Variants in ROCK1 observed in about 807,000 individuals in gnomAD.
ROCK1 encodes rho-associated protein kinase 1.
In ROCK1, 36 loss-of-function variants were observed where a neutral mutation model predicts 196.8. The observed-to-expected ratio is 0.18, with a 90% CI of 0.14 to 0.24. The LOEUF is 0.24. Among genes scored for constraint, ROCK1 ranks in the 10% least tolerant of loss-of-function variants. The probability of loss-of-function intolerance (pLI) is 1.00; values close to 1 mark genes in which losing one functional copy is unlikely to be tolerated. For synonymous variants in ROCK1, 443 were observed against 515.9 expected (o/e 0.86, Z 1.91); for missense variants, 920 against 1,562.0 (o/e 0.59, Z 6.93).
At chr18:20,990,135 A>G (rs993831522) in intron 18 of ROCK1, among the ~76,000 whole-genome samples, 28 of 152,224 alleles carry the variant, frequency 1.8e-4, no homozygotes, top group African/African-American at 6.3e-4. Flanking sequence ...GGTTGCAGAT[A>G]ATGCATTGGA....
chr18:21,095,573 C>T (rs1002342720), intron 1 of ROCK1, among the ~76,000 whole-genome samples: 1 of 152,000 alleles, frequency 6.6e-6, no homozygotes, highest in Non-Finnish European at 1.5e-5. Flanking sequence ...AACTCAAGGT[C>T]ATTACATTAA....
rs1491221039 is a variant in ROCK1, at chr18:21,078,341, T to TACACACAA, written c.94-7729_94-7728insTTGTGTGT. Among the ~76,000 whole-genome samples the TACACACAA allele has an allele frequency of 3.2e-3, 409 of 128,838 alleles. 1 individual carries two copies. The highest frequency in any genetic ancestry group is 0.012 in the African/African-American group (380 of 32,206). 84.5% of individuals were successfully genotyped at this position (128,838 alleles called of 152,430 possible). A position where few individuals can be genotyped will look rare whatever the true frequency, so the allele number is the denominator to read the frequency against. On this transcript the variant is annotated intron_variant, in intron 1 of 32. Transcript: ENST00000399799. ...AAGACTCTATCTCAAAACACCCACC[T>TACACACAA]ACACACACACACACACACACACACA...
At chr18:20,969,710 G>A (rs533404674) in intron 23 of ROCK1, among the ~76,000 whole-genome samples, 49 of 152,162 alleles carry the variant, frequency 3.2e-4, no homozygotes, top group African/African-American at 1.2e-3. Flanking sequence ...ATGTGGAAGA[G>A]ATATTACTAT....
chr18:21,060,038 G>A (rs2036275330), intron 2 of ROCK1, among the ~76,000 whole-genome samples: 1 of 152,224 alleles, frequency 6.6e-6, no homozygotes, highest in African/African-American at 2.4e-5. Flanking sequence ...GAAGCCTGGA[G>A]AGAAATGGAG....
intron 26 of ROCK1, 54 bp from the exon 27 acceptor site, chr18:20,967,130 T>C (rs2035381619): frequency 1.2e-5 from 14 of 1,206,118 alleles, no homozygotes; most frequent in Middle Eastern, 2.0e-4. Flanking sequence ...ATTTCCAACA[T>C]TACTAATTGA....
At chr18:21,008,299 A>C in intron 13 of ROCK1, 105 bp from the exon 14 acceptor site, 1 of 814,128 alleles carries the variant, frequency 1.2e-6, no homozygotes, top group Non-Finnish European at 1.9e-6. Context: ...AAAAAAAGAC[A>C]AACACTTAAG....
At chr18:20,959,074 TAA>T (rs1491219381) in intron 29 of ROCK1, among the ~76,000 whole-genome samples, 39 of 46,336 alleles carry the variant, frequency 8.4e-4, no homozygotes, top group Admixed American at 1.4e-3. Context: ...TTATATTATA[TAA>T]TATATATATT....
rs1362141930 is a variant in ROCK1, at chr18:21,006,612, A to G, written c.1639-15T>C. On this transcript the variant is annotated splice_polypyrimidine_tract_variant and intron_variant, in intron 15 of 32. Coordinates refer to ENST00000399799, the MANE Select transcript of ROCK1 (RefSeq NM_005406.3). ...GCTTCTTCTAGCTATTTAAAAAGAA[A>G]GCAAAAAAATAGGTTTCTGACCAAA... is the stretch of plus-strand genomic sequence containing the variant. The G allele has an allele frequency of 1.9e-6, 3 of 1,604,126 alleles. No homozygotes were observed. Among genetic ancestry groups the G allele is most frequent in the Middle Eastern group, 1.7e-4 (1 of 5,984 alleles).
intron 9 of ROCK1, among the ~76,000 whole-genome samples, chr18:21,037,769 A>G (rs940945745): frequency 7.2e-5 from 11 of 152,150 alleles, no homozygotes; most frequent in Non-Finnish European, 1.5e-4. Context: ...CCCTAATTCC[A>G]TAAGACTATG....
At chr18:20,993,825 T>C (rs538664920) in intron 16 of ROCK1, among the ~76,000 whole-genome samples, 2 of 152,198 alleles carry the variant, frequency 1.3e-5, no homozygotes, top group South Asian at 4.1e-4. Context: ...TTAACACATG[T>C]AGTATCTGAC....
At chr18:20,968,034 CTGTG>C in intron 25 of ROCK1, 94 bp from the exon 26 acceptor site, 4 of 1,163,542 alleles carry the variant, frequency 3.4e-6, no homozygotes, top group Non-Finnish European at 4.6e-6. Context: ...GCAGGACTTT[CTGTG>C]TGTATGAAAA....
At chr18:20,953,305 G>A (rs919314261) in intron 32 of ROCK1, 20 of 280,590 alleles carry the variant, frequency 7.1e-5, no homozygotes, top group African/African-American at 4.0e-4. Flanking sequence ...AATTAAGTTG[G>A]TTAAAGCATT....
At chr18:21,019,785 G>A (rs1238584194) in intron 12 of ROCK1, among the ~76,000 whole-genome samples, 16 of 148,800 alleles carry the variant, frequency 1.1e-4, no homozygotes, top group African/African-American at 2.0e-4. Context: ...ACGACAGAGC[G>A]AGACTCCATC....
At chr18:21,007,790 T>C (rs1220955124) in intron 14 of ROCK1, among the ~76,000 whole-genome samples, 2 of 152,186 alleles carry the variant, frequency 1.3e-5, no homozygotes, top group African/African-American at 2.4e-5. Flanking sequence ...CAGTACTCTT[T>C]AAAGCTTCCC....
chr18:20,975,902 T>C (rs1376202845), intron 22 of ROCK1, among the ~76,000 whole-genome samples: 4 of 152,170 alleles, frequency 2.6e-5, no homozygotes, highest in Non-Finnish European at 4.4e-5. Context: ...TGAGCCACCA[T>C]GCCCGGCCAA....
chr18:20,998,190 C>A (rs1284065647), intron 16 of ROCK1, among the ~76,000 whole-genome samples: 3 of 151,960 alleles, frequency 2.0e-5, no homozygotes, highest in African/African-American at 7.3e-5. Flanking sequence ...AGAATATGCT[C>A]CTGAATGACC....
intron 12 of ROCK1, among the ~76,000 whole-genome samples, chr18:21,019,423 T>C (rs2035893019): frequency 6.6e-6 from 1 of 152,120 alleles, no homozygotes; most frequent in South Asian, 2.1e-4. Context: ...ATTTGCCCTT[T>C]TAGTTAGCTA....
intron 1 of ROCK1, among the ~76,000 whole-genome samples, chr18:21,100,764 C>G (rs545511047): frequency 6.6e-6 from 1 of 152,002 alleles, no homozygotes; most frequent in Admixed American, 6.6e-5. Flanking sequence ...GGATATATTC[C>G]TCTGTCTCCC....
At position 20,975,507 on chromosome 18, in the gene ROCK1, A is replaced by C. The variant is rs991266370; in HGVS notation, c.2654+4403T>G. 2.4e-4 allele frequency among the ~76,000 whole-genome samples: 37 copies of C among 152,336 alleles called. 1 individual carries two copies. The Middle Eastern group carries it at 0.01, about 42-fold the overall frequency. ...TCATCTCTATTTAGAAGCTGTTCTC[A>C]CCAAGATAATGAATAACCTTCAATA... On this transcript the variant is annotated intron_variant, in intron 22 of 32. Coordinates refer to ENST00000399799, the MANE Select transcript of ROCK1 (RefSeq NM_005406.3).
Sources: gnomAD v4.1 joint callset for allele counts (sites outside exome capture counted in the v4.1 genomes callset) on GRCh38, gnomAD v4.1.1 for gene constraint, MANE v1.5 for transcripts, NCBI Gene and HGNC (gene_info 2026-07-23, HGNC 2026-07-21) for gene names.